MAP2K1: variants seen among roughly 807,000 people sequenced by gnomAD.
MAP2K1 encodes mitogen-activated protein kinase kinase 1.
In MAP2K1, 16 loss-of-function variants were observed where a neutral mutation model predicts 46.3. The observed-to-expected ratio is 0.35, with a 90% CI of 0.23 to 0.52. MAP2K1 has a LOEUF of 0.52. Among genes scored for constraint, MAP2K1 ranks in the 20% least tolerant of loss-of-function variants. The probability of loss-of-function intolerance (pLI) is 0.94; values close to 1 mark genes in which losing one functional copy is unlikely to be tolerated. For synonymous variants in MAP2K1, 183 were observed against 185.6 expected (o/e 0.99, Z 0.11); for missense variants, 263 against 497.1 (o/e 0.53, Z 4.48).
chr15:66,394,145 T>G (rs1332538059), intron 1 of MAP2K1, among the ~76,000 whole-genome samples: 3 of 152,202 alleles, frequency 2.0e-5, no homozygotes, highest in African/African-American at 7.2e-5. Context: ...CTCAGAGGAA[T>G]ACCTTTGAAG....
intron 1 of MAP2K1, among the ~76,000 whole-genome samples, chr15:66,430,300 GAACAC>G (rs2093472049): frequency 2.0e-5 from 3 of 152,146 alleles, no homozygotes; most frequent in Admixed American, 2.0e-4. Flanking sequence ...TCTCTGGTAA[GAACAC>G]CCACCTGCAC....
chr15:66,452,821 C>G (rs1372879652), intron 5 of MAP2K1, among the ~76,000 whole-genome samples: 1 of 152,184 alleles, frequency 6.6e-6, no homozygotes, highest in Non-Finnish European at 1.5e-5. Context: ...AAACTAAAAA[C>G]CAGCGATTAA....
chr15:66,412,420 C>G (rs1455520775), intron 1 of MAP2K1, among the ~76,000 whole-genome samples: 1 of 152,216 alleles, frequency 6.6e-6, no homozygotes. Flanking sequence ...AAGCTGAACT[C>G]AGCAATTTTT....
rs2046793253 is a variant in MAP2K1 at position 66,436,853 on chromosome 15, C to T, written c.399C>T (p.Phe133=). The part of the protein sequence containing the change: ...SPYIVGFYGA[F]YSDGEISICM... ...ACATCGTGGGCTTCTATGGTGCGTT[C>T]TACAGCGATGGCGAGATCAGTATCT... The change falls in exon 3 of 11, where the codon TTC becomes TTT. Residue 133 remains phenylalanine, a synonymous_variant. Coordinates refer to ENST00000307102, the MANE Select transcript of MAP2K1 (RefSeq NM_002755.4). 3 of 1,614,052 alleles carry T rather than the reference C, an allele frequency of 1.9e-6. No individual in the cohort carries two copies. In the African/African-American group the frequency reaches 4.0e-5, roughly 22 times the overall value.
At chr15:66,398,782 T>TC (rs1291028828) in intron 1 of MAP2K1, among the ~76,000 whole-genome samples, 14 of 52,202 alleles carry the variant, frequency 2.7e-4, no homozygotes, top group Non-Finnish European at 3.4e-4. Context: ...TTTTTTTTTC[T>TC]TTTTTTTTTT....
chr15:66,438,511 A>C (rs899695154), intron 3 of MAP2K1, among the ~76,000 whole-genome samples: 4 of 152,186 alleles, frequency 2.6e-5, no homozygotes, highest in African/African-American at 9.7e-5. Flanking sequence ...CTTTGAACTT[A>C]CAGATGTTGA....
At chr15:66,454,142 C>T (rs968757286) in intron 5 of MAP2K1, among the ~76,000 whole-genome samples, 6 of 152,200 alleles carry the variant, frequency 3.9e-5, no homozygotes, top group African/African-American at 1.4e-4. Context: ...GTAAACCCTA[C>T]TACTTAAGTA....
chr15:66,489,695 T>TACC (rs1273038896), intron 9 of MAP2K1, 23 bp from the exon 10 acceptor site: 1 of 1,606,076 alleles, frequency 6.2e-7, no homozygotes, highest in East Asian at 2.2e-5. Context: ...CAACAGCTCT[T>TACC]ACCTTGTCTT....
At chr15:66,396,969 G>A (rs1039888797) in intron 1 of MAP2K1, among the ~76,000 whole-genome samples, 94 of 144,796 alleles carry the variant, frequency 6.5e-4, no homozygotes, top group Non-Finnish European at 1.5e-4. Flanking sequence ...ACAGGCATGA[G>A]CTACCATGCC....
rs770743929 is a variant in MAP2K1 at position 66,435,111 on chromosome 15, C to T, written c.165C>T (p.Thr55=). Residue 55 remains threonine, a synonymous_variant, in exon 2 of 11, where the codon ACC becomes ACT. Coordinates refer to ENST00000307102, the MANE Select transcript of MAP2K1 (RefSeq NM_002755.4). ...QQRKRLEAFL[T]QKQKVGELKD... ...GAAAGCGCCTTGAGGCCTTTCTTAC[C>T]CAGAAGCAGAAGGTGGGAGAACTGA... The T allele has an allele frequency of 6.2e-7, 1 of 1,614,056 alleles. No individual in the cohort carries two copies. The highest frequency in any genetic ancestry group is 8.5e-7 in the Non-Finnish European group (1 of 1,179,984).
chr15:66,478,625 A>G (rs1245164440), intron 5 of MAP2K1, among the ~76,000 whole-genome samples: 1 of 151,206 alleles, frequency 6.6e-6, no homozygotes, highest in Non-Finnish European at 1.5e-5. Flanking sequence ...CAGCCTCCCT[A>G]GTAGCTGGGA....
intron 1 of MAP2K1, among the ~76,000 whole-genome samples, chr15:66,389,096 G>A (rs2093350573): frequency 6.6e-6 from 1 of 151,604 alleles, no homozygotes; most frequent in African/African-American, 2.4e-5. Context: ...AGTAGAGATG[G>A]GGTTTCTCCA....
At chr15:66,446,783 T>C (rs544025030) in intron 5 of MAP2K1, 16 of 279,026 alleles carry the variant, frequency 5.7e-5, no homozygotes, top group South Asian at 2.0e-4. Context: ...CTTCCACATA[T>C]TTCCTTTTAG....
chr15:66,399,588 G>A lies in MAP2K1; in HGVS notation c.80+12161G>A, dbSNP rs551101131. 1.3e-4 allele frequency among the ~76,000 whole-genome samples: 20 copies of A among 152,052 alleles called. No homozygotes were observed. The East Asian group carries it at 3.3e-3, about 25-fold the overall frequency. ...CCAGAGCCTCCACTTCCCAGTACCC[G>A]GGACTATAGGCACGTGCCAATACAC... On this transcript the variant is annotated intron_variant, in intron 1 of 10. Transcript: ENST00000307102.
chr15:66,477,941 C>T (rs1892796397), intron 5 of MAP2K1, among the ~76,000 whole-genome samples: 1 of 152,114 alleles, frequency 6.6e-6, no homozygotes, highest in African/African-American at 2.4e-5. Context: ...CACCGGTCCT[C>T]TGAGGGGCCA....
intron 5 of MAP2K1, among the ~76,000 whole-genome samples, chr15:66,471,447 T>G (rs1892629636): frequency 6.6e-6 from 1 of 152,152 alleles, no homozygotes; most frequent in Non-Finnish European, 1.5e-5. Flanking sequence ...GTTCTGTAAC[T>G]GGGCTGGGGC....
intron 1 of MAP2K1, among the ~76,000 whole-genome samples, chr15:66,399,742 A>G (rs1319295854): frequency 6.6e-6 from 1 of 152,162 alleles, no homozygotes; most frequent in Non-Finnish European, 1.5e-5. Flanking sequence ...GACTACAGGC[A>G]TGTGCCACCA....
intron 1 of MAP2K1, among the ~76,000 whole-genome samples, chr15:66,399,114 A>G (rs1487518675): frequency 6.6e-6 from 1 of 152,224 alleles, no homozygotes; most frequent in Non-Finnish European, 1.5e-5. Context: ...CAGATATTAT[A>G]TAGGAGAATT....
intron 5 of MAP2K1, among the ~76,000 whole-genome samples, chr15:66,473,926 C>T (rs1892698172): frequency 1.3e-5 from 2 of 152,166 alleles, no homozygotes; most frequent in South Asian, 4.1e-4. Flanking sequence ...TAGCAATTCA[C>T]CCGCCCTAGC....
Sources: allele counts gnomAD v4.1 joint callset (sites outside exome capture counted in the v4.1 genomes callset), GRCh38; gene constraint gnomAD v4.1.1; transcripts MANE v1.5; gene names NCBI Gene and HGNC (gene_info 2026-07-23, HGNC 2026-07-21).